ZMIZ1: variants seen among roughly 807,000 people sequenced by gnomAD.
ZMIZ1 encodes the protein zinc finger MIZ-type containing 1.
In ZMIZ1, 17 loss-of-function variants were observed where a neutral mutation model predicts 113.9. The observed-to-expected ratio is 0.15, with a 90% CI of 0.10 to 0.22. The LOEUF (loss-of-function observed/expected upper bound fraction) is 0.22, where lower values mean the gene tolerates loss of function less well. ZMIZ1 is among the 10% of genes least tolerant of loss of function. The pLI is 1.00. For synonymous variants in ZMIZ1, 607 were observed against 603.1 expected (o/e 1.01, Z -0.09); for missense variants, 1,059 against 1,477.8 (o/e 0.72, Z 4.65).
chr10:79,204,068 G>A (rs1490378893), intron 5 of ZMIZ1, among the ~76,000 whole-genome samples: 2 of 152,196 alleles, frequency 1.3e-5, no homozygotes, highest in African/African-American at 4.8e-5. Context: ...AGCTGCCCTA[G>A]AAGTCAGCCT....
chr10:79,305,701 C>A, intron 21 of ZMIZ1, 100 bp downstream of exon 21: 1 of 1,230,154 alleles, frequency 8.1e-7, no homozygotes, highest in South Asian at 1.2e-5. Flanking sequence ...CCTCCCCTCC[C>A]AGGCCAGCAG....
At chr10:79,151,033 C>CA (rs1462731265) in intron 3 of ZMIZ1, among the ~76,000 whole-genome samples, 1 of 152,022 alleles carries the variant, frequency 6.6e-6, no homozygotes, top group African/African-American at 2.4e-5. Context: ...GGGGGCCAAG[C>CA]AGAGGGGTCA....
chr10:79,295,679 A>G (rs547052615), intron 12 of ZMIZ1: 2 of 152,382 alleles, frequency 1.3e-5, no homozygotes, highest in Admixed American at 6.5e-5. Flanking sequence ...CCCTAAGTCC[A>G]TCATTCGTTT....
chr10:79,135,602 G>A (rs1418243390), intron 2 of ZMIZ1, among the ~76,000 whole-genome samples: 16 of 152,050 alleles, frequency 1.1e-4, no homozygotes, highest in Admixed American at 4.6e-4. Flanking sequence ...CCCAGTTCTC[G>A]AGTTAAAGGG....
intron 3 of ZMIZ1, among the ~76,000 whole-genome samples, chr10:79,148,753 C>T (rs980883805): frequency 3.9e-5 from 6 of 152,248 alleles, no homozygotes; most frequent in African/African-American, 1.4e-4. Flanking sequence ...CTACTGCCGT[C>T]TTGTAGTTCC....
chr10:79,098,540 C>T (rs1843248832), intron 1 of ZMIZ1, among the ~76,000 whole-genome samples: 1 of 152,194 alleles, frequency 6.6e-6, no homozygotes, highest in African/African-American at 2.4e-5. Flanking sequence ...AGTGCCTGGT[C>T]CATTGCAAGC....
In ZMIZ1 at chr10:79,279,807, G is replaced by T. The variant is rs2094073; in HGVS notation, c.425+2482G>T. On this transcript the variant is annotated intron_variant, in intron 8 of 24. Coordinates refer to ENST00000334512, the MANE Select transcript of ZMIZ1 (RefSeq NM_020338.4). Reference sequence around the variant, plus strand: ...GAAACCCCGTCTCCACCAAAAAATAGGAAAACCAGTCAGGCATGGTGGCAC... The same window carrying T: ...GAAACCCCGTCTCCACCAAAAAATATGAAAACCAGTCAGGCATGGTGGCAC... 7.6e-3 allele frequency among the ~76,000 whole-genome samples: 1,153 copies of T among 151,918 alleles called. 13 individuals are homozygous for T. The highest frequency in any genetic ancestry group is 0.026 in the African/African-American group (1,096 of 41,418).
intron 4 of ZMIZ1, among the ~76,000 whole-genome samples, chr10:79,201,308 CA>C (rs898318808): frequency 2.6e-5 from 4 of 151,684 alleles, no homozygotes; most frequent in Non-Finnish European, 2.9e-5. Flanking sequence ...AACTCCATCT[CA>C]AAAAAAAGAA....
Position 79,302,728 on chromosome 10 carries a change from C to T in ZMIZ1, c.2125+516C>T, listed in dbSNP as rs182932384. Among the ~76,000 whole-genome samples the T allele has an allele frequency of 1.2e-3, 151 of 121,918 alleles. 1 individual carries two copies. The highest frequency in any genetic ancestry group is 4.7e-3 in the African/African-American group (147 of 31,464). 80.0% of individuals were successfully genotyped at this position (121,918 alleles called of 152,430 possible). ...TTTGAGAGAGAGAGAGAATGTCGCT[C>T]TGTTACCCAGGCTGGAGTGCAGTGG... On this transcript the variant is annotated intron_variant, in intron 18 of 24. Transcript: ENST00000334512.
chr10:79,254,642 T>C (rs1460380974), intron 7 of ZMIZ1, among the ~76,000 whole-genome samples: 1 of 152,240 alleles, frequency 6.6e-6, no homozygotes, highest in Non-Finnish European at 1.5e-5. Context: ...AGTCCTGCCT[T>C]GCAGTCAGCG....
intron 6 of ZMIZ1, among the ~76,000 whole-genome samples, chr10:79,215,011 C>T (rs911560378): frequency 5.9e-5 from 9 of 151,690 alleles, no homozygotes; most frequent in Non-Finnish European, 1.2e-4. Context: ...CCCAGTCTGC[C>T]GCCTCTCACC....
chr10:79,289,733 G>T, intron 8 of ZMIZ1, 42 bp from the exon 9 acceptor site: 1 of 1,574,744 alleles, frequency 6.4e-7, no homozygotes, highest in Non-Finnish European at 8.7e-7. Flanking sequence ...TTGAGTCTGT[G>T]CCTGCCAGGC....
intron 3 of ZMIZ1, among the ~76,000 whole-genome samples, chr10:79,158,049 A>T (rs1334691627): frequency 6.6e-6 from 1 of 152,150 alleles, no homozygotes; most frequent in African/African-American, 2.4e-5. Flanking sequence ...ATGTGGGTGG[A>T]CACCCTTGTG....
rs77406474 is a variant in ZMIZ1 at position 79,234,638 on chromosome 10, A to G, written c.280+18364A>G. Reference sequence around the variant, plus strand: ...TACTTAATAGATAAACATACTTAACAGATAAACCACAAATAAATATAGGAG... The same window carrying G: ...TACTTAATAGATAAACATACTTAACGGATAAACCACAAATAAATATAGGAG... On this transcript the variant is annotated intron_variant, in intron 7 of 24. Transcript: ENST00000334512. Among the ~76,000 whole-genome samples, 373 of 152,366 alleles carry G rather than the reference A, an allele frequency of 2.4e-3. 2 individuals carry two copies. Among genetic ancestry groups the G allele is most frequent in the African/African-American group, 8.7e-3 (360 of 41,590 alleles).
intron 2 of ZMIZ1, among the ~76,000 whole-genome samples, chr10:79,137,507 T>C (rs1195903492): frequency 6.6e-6 from 1 of 152,130 alleles, no homozygotes; most frequent in African/African-American, 2.4e-5. Context: ...CCCCTCGGTA[T>C]GTGCCCTGGT....
chr10:79,298,555 T>C lies in ZMIZ1; in HGVS notation c.1641T>C (p.Asn547=), dbSNP rs190292297. 1.1e-4 allele frequency: 171 copies of C among 1,600,750 alleles called. 1 individual carries two copies. The East Asian group carries it at 3.0e-3, about 28-fold the overall frequency. The stretch of plus-strand genomic sequence containing the variant: ...CCTTCCCGCCTGACATCAAGCCAAA[T>C]ATGAGCGCTCTGCCACCACCCCCAG... ...KPPFPPDIKP[N]MSALPPPPAN... The change falls in exon 15 of 25, where the codon AAT becomes AAC. Residue 547 remains asparagine (N), a synonymous_variant. Transcript: ENST00000334512.
intron 2 of ZMIZ1, among the ~76,000 whole-genome samples, chr10:79,131,510 A>G (rs1164553841): frequency 6.6e-6 from 1 of 152,178 alleles, no homozygotes; most frequent in Admixed American, 6.5e-5. Context: ...AATCAATTCC[A>G]TTGCAGAGTT....
At chr10:79,176,991 A>G (rs1245112348) in intron 4 of ZMIZ1, among the ~76,000 whole-genome samples, 1 of 152,196 alleles carries the variant, frequency 6.6e-6, no homozygotes, top group Non-Finnish European at 1.5e-5. Context: ...ACTGGGAATG[A>G]GGCCCCTCAG....
chr10:79,146,933 G>C (rs1244956228), intron 3 of ZMIZ1, among the ~76,000 whole-genome samples: 2 of 136,824 alleles, frequency 1.5e-5, no homozygotes, highest in Non-Finnish European at 3.1e-5. Flanking sequence ...GGCTGTGCGT[G>C]TGTGTAGTGT....
Sources: allele counts gnomAD v4.1 joint callset (sites outside exome capture counted in the v4.1 genomes callset), GRCh38; gene constraint gnomAD v4.1.1; transcripts MANE v1.5; gene names NCBI Gene and HGNC (gene_info 2026-07-23, HGNC 2026-07-21).